PNPLA1: variants seen among roughly 807,000 people sequenced by gnomAD.
PNPLA1 encodes omega-hydroxyceramide transacylase.
Under a neutral mutation model 51.7 loss-of-function variants are expected in PNPLA1, and 36 were observed. The observed-to-expected ratio is 0.70, with a 90% confidence interval of 0.53 to 0.92. PNPLA1 has a LOEUF of 0.92. PNPLA1 is among the 40% of genes least tolerant of loss of function. The pLI is 0.00. For synonymous variants in PNPLA1, 293 were observed against 280.1 expected (o/e 1.05, Z -0.46); for missense variants, 658 against 682.5 (o/e 0.96, Z 0.40).
intron 1 of PNPLA1, among the ~76,000 whole-genome samples, chr6:36,259,093 T>C (rs1160790074): frequency 6.6e-6 from 1 of 152,128 alleles, no homozygotes; most frequent in African/African-American, 2.4e-5. Flanking sequence ...ACAGCAATGG[T>C]TCAGACCAAA....
chr6:36,261,048 T>G (rs962717657), intron 1 of PNPLA1, among the ~76,000 whole-genome samples: 3 of 152,218 alleles, frequency 2.0e-5, no homozygotes, highest in Non-Finnish European at 4.4e-5. Context: ...AGGCTGGCTT[T>G]GAACGGCTGG....
chr6:36,311,290 A>T (rs1771403298), intron 8 of PNPLA1, among the ~76,000 whole-genome samples: 1 of 152,242 alleles, frequency 6.6e-6, no homozygotes, highest in East Asian at 1.9e-4. Flanking sequence ...GAAGATGAGC[A>T]GAAGTTAGTC....
intron 1 of PNPLA1, among the ~76,000 whole-genome samples, chr6:36,275,413 T>C (rs1211490071): frequency 6.6e-6 from 1 of 152,244 alleles, no homozygotes; most frequent in East Asian, 1.9e-4. Flanking sequence ...AAAATATCTT[T>C]ATTACAATGA....
intron 1 of PNPLA1, among the ~76,000 whole-genome samples, chr6:36,287,188 C>T (rs1319523536): frequency 6.6e-6 from 1 of 152,092 alleles, no homozygotes; most frequent in Non-Finnish European, 1.5e-5. Flanking sequence ...TTTTATATTC[C>T]GTTGTTCACA....
chr6:36,245,948 T>A, intron 1 of PNPLA1, among the ~76,000 whole-genome samples: 1 of 151,974 alleles, frequency 6.6e-6, no homozygotes, highest in East Asian at 1.9e-4. Flanking sequence ...AGCTTTATAC[T>A]GTCTGTTATT....
chr6:36,254,512 T>C (rs2127313843), intron 1 of PNPLA1, among the ~76,000 whole-genome samples: 1 of 152,072 alleles, frequency 6.6e-6, no homozygotes, highest in Non-Finnish European at 1.5e-5. Flanking sequence ...GAGTTCAAGG[T>C]TGCAGTGAAC....
chr6:36,246,041 A>G (rs1410465484), intron 1 of PNPLA1, among the ~76,000 whole-genome samples: 1 of 152,214 alleles, frequency 6.6e-6, no homozygotes, highest in East Asian at 1.9e-4. Flanking sequence ...TAGGATATCT[A>G]GCCAACATTT....
At position 36,294,518 on chromosome 6, in the gene PNPLA1, T is replaced by G; in HGVS notation, c.714+119T>G. On this transcript the variant is annotated intron_variant, in intron 4 of 8. Coordinates refer to ENST00000636260, the MANE Select transcript of PNPLA1 (RefSeq NM_001374623.1). This position sits in a 1 kb window ranked among gnomAD's most constrained non-coding sequence, Gnocchi z 4.2. ...AGTCTCCTCCCCTCAAATGGTCCTT[T>G]AAACTTCCTCCTAGACCTGCATCCT... is the stretch of plus-strand genomic sequence containing the variant. 1 of 926,916 alleles carries G rather than the reference T, an allele frequency of 1.1e-6. No homozygotes were observed. Among genetic ancestry groups the G allele is most frequent in the Non-Finnish European group, 1.6e-6 (1 of 607,232 alleles). 57.4% of individuals were successfully genotyped at this position (926,916 alleles called of 1,614,324 possible).
At position 36,274,226 on chromosome 6, in the gene PNPLA1, A is replaced by G. The variant is rs543678004; in HGVS notation, c.205+3562A>G. On this transcript the variant is annotated intron_variant, in intron 1 of 8. Transcript: ENST00000636260. ...CACAGAAAATTTAAATAACTTGCCT[A>G]TAGTCACACAGATAGCACTTGGTAA... is the stretch of plus-strand genomic sequence containing the variant. 7.2e-5 allele frequency among the ~76,000 whole-genome samples: 11 copies of G among 152,364 alleles called. No homozygotes were observed. The South Asian group carries it at 8.3e-4, about 11-fold the overall frequency.
chr6:36,291,711 T>C (rs1412360922), intron 2 of PNPLA1, among the ~76,000 whole-genome samples, 159 bp downstream of exon 2: 7 of 152,166 alleles, frequency 4.6e-5, no homozygotes, highest in Non-Finnish European at 1.0e-4. Flanking sequence ...CAAGGTGCAG[T>C]GCTAGATGAG....
At chr6:36,267,590 C>T (rs1035562390), upstream of PNPLA1, among the ~76,000 whole-genome samples, 3 of 152,160 alleles carry the variant, frequency 2.0e-5, no homozygotes, top group Non-Finnish European at 2.9e-5. Context: ...GGTGGTGGGT[C>T]CCCAGCCCCC....
At chr6:36,276,521 C>T (rs143382468) in intron 1 of PNPLA1, among the ~76,000 whole-genome samples, 30 of 152,244 alleles carry the variant, frequency 2.0e-4, no homozygotes, top group East Asian at 7.7e-4. Context: ...GGGTGGTCTC[C>T]GTGATTGCCA....
intron 3 of PNPLA1, 56 bp downstream of exon 3, chr6:36,293,182 T>C (rs1335210889): frequency 5.8e-6 from 9 of 1,539,070 alleles, no homozygotes; most frequent in Non-Finnish European, 8.1e-6. Context: ...CTCGGGTCCC[T>C]GTGACTCACA....
At chr6:36,273,817 T>G (rs1212631756) in intron 1 of PNPLA1, among the ~76,000 whole-genome samples, 1 of 150,344 alleles carries the variant, frequency 6.7e-6, no homozygotes, top group African/African-American at 2.4e-5. Context: ...TGAATACTGC[T>G]GCAAACCTAC....
rs1039584574 is a variant in PNPLA1 at position 36,306,518 on chromosome 6, A to G, written c.1469+142A>G. 37 of 711,024 alleles carry G rather than the reference A, an allele frequency of 5.2e-5. No homozygotes were observed. In the African/African-American group the frequency reaches 6.5e-4, roughly 12 times the overall value. The allele number at this position is 711,024 out of a possible 1,614,324, so 44.0% of individuals were successfully genotyped here. Reference sequence around the variant, plus strand: ...TGTGTGATTGTGTGATTCCAGGTCCACCCCTTTACATCTCACAAAGCTGCC... The same window carrying G: ...TGTGTGATTGTGTGATTCCAGGTCCGCCCCTTTACATCTCACAAAGCTGCC... On this transcript the variant is annotated intron_variant, in intron 7 of 8. Coordinates refer to ENST00000636260, the MANE Select transcript of PNPLA1 (RefSeq NM_001374623.1).
chr6:36,282,044 G>GAAAGAAAGAAAGAAAGAAA (rs1770301828), intron 1 of PNPLA1, among the ~76,000 whole-genome samples: 1 of 34,568 alleles, frequency 2.9e-5, no homozygotes, highest in African/African-American at 1.6e-4. Context: ...AAAGAAAGAA[G>GAAAGAAAGAAAGAAAGAAA]GAAAGAAAGA....
intron 1 of PNPLA1, among the ~76,000 whole-genome samples, chr6:36,272,612 G>A (rs1769953069): frequency 6.6e-6 from 1 of 152,166 alleles, no homozygotes; most frequent in Non-Finnish European, 1.5e-5. Flanking sequence ...ATCTCTGAAC[G>A]ATGGGCAGAG....
upstream of PNPLA1, among the ~76,000 whole-genome samples, chr6:36,265,290 G>A (rs1054701791): frequency 6.6e-6 from 1 of 152,042 alleles, no homozygotes; most frequent in Non-Finnish European, 1.5e-5. Flanking sequence ...GCAATGAGCC[G>A]AGATAGTGCC....
At chr6:36,300,259 A>G (rs1770997855) in intron 5 of PNPLA1, among the ~76,000 whole-genome samples, 1 of 149,338 alleles carries the variant, frequency 6.7e-6, no homozygotes, top group Non-Finnish European at 1.5e-5. Context: ...CAGTGGTGCA[A>G]TCTTGGCTCA....
Sources: allele counts gnomAD v4.1 joint callset (sites outside exome capture counted in the v4.1 genomes callset), GRCh38; gene constraint gnomAD v4.1.1; non-coding constraint Gnocchi (gnomAD v3.1); transcripts MANE v1.5; gene names NCBI Gene and HGNC (gene_info 2026-07-23, HGNC 2026-07-21).